Variants in DYM observed in about 807,000 individuals in gnomAD.
DYM encodes the protein dymeclin.
Under a neutral mutation model 93.1 loss-of-function variants are expected in DYM, and 78 were observed. The ratio of observed to expected loss-of-function variants is 0.84; its 90% CI spans 0.70 to 1.01. The LOEUF (loss-of-function observed/expected upper bound fraction) is 1.01. Among genes scored for constraint, DYM ranks in the 50% least tolerant of loss-of-function variants. The pLI is 0.00. For synonymous variants in DYM, 321 were observed against 319.7 expected (o/e 1.00, Z -0.04); for missense variants, 789 against 845.0 (o/e 0.93, Z 0.82).
chr18:49,157,992 T>C (rs2086643348), intron 15 of DYM, among the ~76,000 whole-genome samples: 1 of 152,238 alleles, frequency 6.6e-6, no homozygotes. Flanking sequence ...CACCAGACAC[T>C]GTGCTGGATA....
At chr18:49,230,822 G>A (rs1214529963) in intron 13 of DYM, among the ~76,000 whole-genome samples, 1 of 152,100 alleles carries the variant, frequency 6.6e-6, no homozygotes, top group Non-Finnish European at 1.5e-5. Flanking sequence ...TCTACTATCA[G>A]ATAAAATTCT....
At chr18:49,211,562 G>C (rs932178483) in intron 13 of DYM, among the ~76,000 whole-genome samples, 4 of 152,136 alleles carry the variant, frequency 2.6e-5, no homozygotes, top group African/African-American at 9.7e-5. Context: ...TAGAAGATTT[G>C]AAATGGGCAA....
intron 8 of DYM, among the ~76,000 whole-genome samples, chr18:49,317,075 T>A (rs765361973): frequency 6.6e-6 from 1 of 152,124 alleles, no homozygotes; most frequent in Non-Finnish European, 1.5e-5. Flanking sequence ...AAATAATGTA[T>A]CAATATTGGC....
At chr18:49,306,238 C>A (rs1009121140) in intron 8 of DYM, among the ~76,000 whole-genome samples, 4 of 152,162 alleles carry the variant, frequency 2.6e-5, no homozygotes, top group African/African-American at 9.7e-5. Flanking sequence ...CATAACACAA[C>A]AAATTAAAAC....
intron 17 of DYM, among the ~76,000 whole-genome samples, chr18:49,071,570 T>C (rs1192166500): frequency 6.6e-6 from 1 of 152,224 alleles, no homozygotes. Context: ...CCAGCCAGCA[T>C]AGGCTAAGAG....
At chr18:49,284,070 A>C (rs2095058276) in intron 9 of DYM, among the ~76,000 whole-genome samples, 1 of 152,172 alleles carries the variant, frequency 6.6e-6, no homozygotes, top group Non-Finnish European at 1.5e-5. Context: ...CAGAATGTTC[A>C]CTGGAGGAAG....
chr18:49,395,936 T>A (rs1410673503), intron 2 of DYM, among the ~76,000 whole-genome samples: 1 of 152,188 alleles, frequency 6.6e-6, no homozygotes, highest in Non-Finnish European at 1.5e-5. Context: ...GGCAGATCCC[T>A]TATGAACAGA....
chr18:49,419,229 AG>A (rs2073354919), intron 2 of DYM, among the ~76,000 whole-genome samples: 1 of 152,096 alleles, frequency 6.6e-6, no homozygotes, highest in Non-Finnish European at 1.5e-5. Context: ...GCGTGATGGC[AG>A]GCACCTGTAA....
At chr18:49,351,498 A>G (rs1234945140) in intron 6 of DYM, among the ~76,000 whole-genome samples, 1 of 152,166 alleles carries the variant, frequency 6.6e-6, no homozygotes, top group Non-Finnish European at 1.5e-5. Flanking sequence ...AGTTCCATCA[A>G]TGAAAAAATA....
At chr18:49,309,104 A>T (rs527425491) in intron 8 of DYM, among the ~76,000 whole-genome samples, 14 of 152,310 alleles carry the variant, frequency 9.2e-5, no homozygotes, top group African/African-American at 3.4e-4. Context: ...ACAAGAGCAT[A>T]AAAAAATTCA....
chr18:49,406,165 G>A (rs2071472824), intron 2 of DYM, among the ~76,000 whole-genome samples: 1 of 152,076 alleles, frequency 6.6e-6, no homozygotes, highest in Admixed American at 6.6e-5. Context: ...AAAAAGAGAT[G>A]GTTTGACTTC....
intron 13 of DYM, among the ~76,000 whole-genome samples, chr18:49,246,247 T>C (rs1004380724): frequency 1.9e-4 from 29 of 152,224 alleles, no homozygotes; most frequent in African/African-American, 7.0e-4. Flanking sequence ...CTCTGCAACA[T>C]CTGATTCAGT....
intron 1 of DYM, among the ~76,000 whole-genome samples, chr18:49,453,820 A>T (rs777372864): frequency 6.6e-6 from 1 of 152,196 alleles, no homozygotes; most frequent in Non-Finnish European, 1.5e-5. Context: ...CTGGCTATGC[A>T]AAGAAGGTTA....
chr18:49,317,621 C>CTA (rs2062081040), intron 8 of DYM, among the ~76,000 whole-genome samples: 1 of 33,924 alleles, frequency 2.9e-5, no homozygotes, highest in Non-Finnish European at 5.7e-5. Flanking sequence ...CCCTCCCTCC[C>CTA]TCCCTCCCTC....
intron 1 of DYM, among the ~76,000 whole-genome samples, chr18:49,442,950 C>A (rs117503070): frequency 6.6e-6 from 1 of 151,612 alleles, no homozygotes; most frequent in Non-Finnish European, 1.5e-5. Context: ...CTTTGCCTCC[C>A]GGGTTCAAGC....
intron 8 of DYM, among the ~76,000 whole-genome samples, chr18:49,314,971 T>C (rs2061833214): frequency 6.6e-6 from 1 of 152,054 alleles, no homozygotes; most frequent in Non-Finnish European, 1.5e-5. Flanking sequence ...TCTCAGAACT[T>C]TGGGAGGCCG....
chr18:49,450,175 G>A (rs549803271), intron 1 of DYM, among the ~76,000 whole-genome samples: 1 of 152,078 alleles, frequency 6.6e-6, no homozygotes, highest in Non-Finnish European at 1.5e-5. Context: ...ATTCAAAAGG[G>A]TATTATATGG....
At chr18:49,074,465 C>A (rs2077142583) in intron 17 of DYM, among the ~76,000 whole-genome samples, 2 of 152,166 alleles carry the variant, frequency 1.3e-5, no homozygotes, top group Non-Finnish European at 2.9e-5. Flanking sequence ...TGGAACCAAT[C>A]TCCCATGGAT....
chr18:49,046,354 CACAT>C (rs576123382), intron 17 of DYM, among the ~76,000 whole-genome samples: 29 of 150,972 alleles, frequency 1.9e-4, no homozygotes, highest in East Asian at 1.6e-3. Flanking sequence ...CCCAGACATG[CACAT>C]ACAGACAACA....
Sources: gnomAD v4.1 joint callset for allele counts (sites outside exome capture counted in the v4.1 genomes callset) on GRCh38, gnomAD v4.1.1 for gene constraint, MANE v1.5 for transcripts, NCBI Gene and HGNC (gene_info 2026-07-23, HGNC 2026-07-21) for gene names.